The following UXS1 variants were observed in gnomAD, a reference collection of about 807,000 sequenced individuals.
The protein encoded by UXS1 is UDP-glucuronic acid decarboxylase 1.
Under a neutral mutation model 62.6 loss-of-function variants are expected in UXS1, and 33 were observed. That is an observed-to-expected ratio of 0.53 (90% CI 0.40 to 0.70). The LOEUF is 0.70. Among genes scored for constraint, UXS1 ranks in the 30% least tolerant of loss-of-function variants. The probability of loss-of-function intolerance (pLI) is 0.00; values close to 1 mark genes in which losing one functional copy is unlikely to be tolerated. For synonymous variants in UXS1, 213 were observed against 206.8 expected, an observed-to-expected ratio of 1.03 and a Z score of -0.26; for missense variants, 434 against 556.3, an observed-to-expected ratio of 0.78 and a Z score of 2.21.
At chr2:106,110,219 A>G (rs1678471328) in intron 10 of UXS1, among the ~76,000 whole-genome samples, 1 of 152,210 alleles carries the variant, frequency 6.6e-6, no homozygotes. Flanking sequence ...CAGAGACTGA[A>G]GCCCACCACG....
chr2:106,104,749 G>A (rs1677907240), intron 11 of UXS1, 45 bp downstream of exon 11: 2 of 1,612,878 alleles, frequency 1.2e-6, no homozygotes, highest in Admixed American at 1.7e-5. Context: ...CATGACCCCT[G>A]CTCCAAAGCA....
At chr2:106,139,570 G>A (rs1405192736) in intron 6 of UXS1, among the ~76,000 whole-genome samples, 1 of 152,128 alleles carries the variant, frequency 6.6e-6, no homozygotes, top group African/African-American at 2.4e-5. Flanking sequence ...GAACAACTCG[G>A]GATAACCTGA....
Position 106,122,980 on chromosome 2 carries a change from T to G in UXS1, c.749A>C (p.Tyr250Ser). 1 of 1,613,832 alleles carries G rather than the reference T, an allele frequency of 6.2e-7. No homozygotes were observed. The highest frequency in any genetic ancestry group is 8.5e-7 in the Non-Finnish European group (1 of 1,179,778). ...ACCCTGGTGAAATACCTGCTTCATG[T>G]AGGCATAGCACATGGTCTCTGCAAC... ...KRVAETMCYA[Y>S]MKQEGVEVRV... Residue 250 changes from tyrosine to serine, a missense_variant, in exon 9 of 15, where the codon TAC becomes TCC. Coordinates refer to ENST00000283148, the MANE Select transcript of UXS1 (RefSeq NM_001253875.2).
In UXS1 at chr2:106,158,091, CT is replaced by C; in HGVS notation, c.257del (p.Lys86SerfsTer12). 1 of 1,567,930 alleles carries C rather than the reference CT, an allele frequency of 6.4e-7. No individual in the cohort carries two copies. The highest frequency in any genetic ancestry group is 2.3e-5 in the East Asian group (1 of 42,882). On this transcript the variant is annotated frameshift_variant, in exon 5 of 15. Transcript: ENST00000283148. LOFTEE classifies it high-confidence loss of function. ...KSFTQKYPPV[K>X]FLSEKDRKRI... is the part of the protein sequence containing the mutation. ...TTTTCCGATCCTTTTCTGATAAAAACTTTACTGGTGGGTATTTCTGGGTAAA... is the reference window on the plus strand; with the variant it reads ...TTTTCCGATCCTTTTCTGATAAAAACTTACTGGTGGGTATTTCTGGGTAAA...
chr2:106,094,309 G>A (rs1175000392), intron 14 of UXS1, among the ~76,000 whole-genome samples, 152 bp from the exon 15 acceptor site: 1 of 150,904 alleles, frequency 6.6e-6, no homozygotes, highest in Non-Finnish European at 1.5e-5. Context: ...CTTTGGTTGT[G>A]ACAGCATCCA....
In UXS1 at chr2:106,103,284, A is replaced by G. The variant is rs938383721; in HGVS notation, c.923+1510T>C. 7.1e-4 allele frequency among the ~76,000 whole-genome samples: 108 copies of G among 152,224 alleles called. 8 individuals are homozygous for G. Among genetic ancestry groups the G allele is most frequent in the Non-Finnish European group, 2.8e-4 (19 of 68,046 alleles). On this transcript the variant is annotated intron_variant, in intron 11 of 14. Transcript: ENST00000283148. The stretch of plus-strand genomic sequence containing the variant: ...TTGAGATAATGAGAGCAGAAAGAAG[A>G]ATGGGTCCTGACTGGTTTCCTTTTA...
chr2:106,164,638 G>T, intron 3 of UXS1, 98 bp downstream of exon 3: 2 of 933,092 alleles, frequency 2.1e-6, no homozygotes, highest in Admixed American at 3.0e-5. Context: ...TCACAGAACA[G>T]CATCAAGCTG....
At chr2:106,098,141 C>T (rs1204008293) in intron 13 of UXS1, among the ~76,000 whole-genome samples, 2 of 152,236 alleles carry the variant, frequency 1.3e-5, no homozygotes, top group African/African-American at 4.8e-5. Flanking sequence ...CTCCAAGAGT[C>T]TGACTCCTCA....
chr2:106,175,361 T>C (rs1275453535), intron 1 of UXS1, among the ~76,000 whole-genome samples: 2 of 152,234 alleles, frequency 1.3e-5, no homozygotes, highest in African/African-American at 4.8e-5. Context: ...TGAAAAACAG[T>C]TTCTCTGCCA....
At chr2:106,163,346 T>A (rs931844244) in intron 4 of UXS1, among the ~76,000 whole-genome samples, 2 of 152,148 alleles carry the variant, frequency 1.3e-5, no homozygotes, top group Non-Finnish European at 2.9e-5. Context: ...TCAGGCCCAC[T>A]GGATTGTCCT....
intron 5 of UXS1, among the ~76,000 whole-genome samples, chr2:106,147,158 C>G (rs1363534481): frequency 6.6e-6 from 1 of 150,704 alleles, no homozygotes; most frequent in Non-Finnish European, 1.5e-5. Context: ...AATAAATATC[C>G]TAAGTCCCCC....
chr2:106,126,558 G>C (rs1225857740), intron 7 of UXS1, among the ~76,000 whole-genome samples: 2 of 152,186 alleles, frequency 1.3e-5, no homozygotes, highest in Non-Finnish European at 2.9e-5. Context: ...GGTGAGGCTG[G>C]GTGGGGTGGT....
chr2:106,105,251 G>A (rs538619947), intron 10 of UXS1, among the ~76,000 whole-genome samples: 5 of 152,282 alleles, frequency 3.3e-5, no homozygotes, highest in Admixed American at 2.0e-4. Context: ...AGCAGAGCTG[G>A]GGATGCCGCC....
intron 10 of UXS1, among the ~76,000 whole-genome samples, chr2:106,106,228 G>A (rs530079940): frequency 1.7e-4 from 26 of 152,198 alleles, no homozygotes; most frequent in Admixed American, 7.8e-4. Context: ...GCTGGGTGTG[G>A]TGGTGGGCGC....
intron 12 of UXS1, 188 bp downstream of exon 12, chr2:106,100,870 G>T: frequency 1.4e-6 from 1 of 700,894 alleles, no homozygotes; most frequent in Non-Finnish European, 2.4e-6. Flanking sequence ...GTGCCTTGCA[G>T]ATGTTTTACT....
At chr2:106,130,378 C>A (rs1434569166) in intron 6 of UXS1, among the ~76,000 whole-genome samples, 1 of 152,144 alleles carries the variant, frequency 6.6e-6, no homozygotes, top group Non-Finnish European at 1.5e-5. Flanking sequence ...AGCACAGAAC[C>A]AAGTCAGGTA....
At chr2:106,100,670 G>A (rs1287987410) in intron 12 of UXS1, 2 of 180,310 alleles carry the variant, frequency 1.1e-5, no homozygotes, top group Non-Finnish European at 2.3e-5. Flanking sequence ...GACATCATCA[G>A]CAACCGGAAA....
intron 14 of UXS1, among the ~76,000 whole-genome samples, chr2:106,094,445 C>CTCTT (rs1467845434): frequency 6.6e-6 from 1 of 152,196 alleles, no homozygotes; most frequent in Non-Finnish European, 1.5e-5. Flanking sequence ...CCCCGACTAC[C>CTCTT]TCTTGCTGGT....
chr2:106,119,651 C>T (rs1372174239), intron 9 of UXS1, among the ~76,000 whole-genome samples: 1 of 152,120 alleles, frequency 6.6e-6, no homozygotes, highest in Non-Finnish European at 1.5e-5. Context: ...CAGTCATAGT[C>T]CCAGAAAATA....
Sources: gnomAD v4.1 joint callset for allele counts (sites outside exome capture counted in the v4.1 genomes callset) on GRCh38, gnomAD v4.1.1 for gene constraint, MANE v1.5 for transcripts, NCBI Gene and HGNC (gene_info 2026-07-23, HGNC 2026-07-21) for gene names.